The following EVC variants were observed in gnomAD, a reference collection of about 807,000 sequenced individuals.
EVC encodes EvC ciliary complex subunit 1, also known as evC complex member EVC.
EVC carries 116 observed loss-of-function variants against 118.9 expected under a neutral mutation model. That is an observed-to-expected ratio of 0.98 (90% CI 0.84 to 1.14). EVC has a LOEUF of 1.14. Among genes scored for constraint, EVC ranks in the 50% most tolerant of loss-of-function variants. The probability of loss-of-function intolerance (pLI) is 0.00; values close to 1 mark genes in which losing one functional copy is unlikely to be tolerated. For missense variants in EVC, 1,401 were observed against 1,246.4 expected (o/e 1.12, Z -1.87); for synonymous variants, 619 against 534.7 (o/e 1.16, Z -2.18).
intron 1 of EVC, among the ~76,000 whole-genome samples, chr4:5,716,163 A>G (rs1438539378): frequency 1.3e-5 from 2 of 152,238 alleles, no homozygotes; most frequent in Non-Finnish European, 2.9e-5. Context: ...ACAGTGCACC[A>G]AGCCAGGAGG....
intron 11 of EVC, among the ~76,000 whole-genome samples, chr4:5,782,265 G>T (rs1027058225): frequency 5.9e-5 from 9 of 151,666 alleles, no homozygotes; most frequent in African/African-American, 1.7e-4. Flanking sequence ...AGTAGAGACA[G>T]GGTTTCACCG....
intron 16 of EVC, among the ~76,000 whole-genome samples, chr4:5,803,173 C>T (rs1051694014): frequency 2.0e-5 from 3 of 152,226 alleles, no homozygotes; most frequent in Non-Finnish European, 4.4e-5. Context: ...CCACTTCTTA[C>T]AACACCCTCC....
chr4:5,726,678 G>A lies in EVC; in HGVS notation c.301-2629G>A, dbSNP rs180953151. On this transcript the variant is annotated intron_variant, in intron 2 of 20. Coordinates refer to ENST00000264956, the MANE Select transcript of EVC (RefSeq NM_153717.3). ...GCTGGTGCGCTGCACCCACTAACTC[G>A]TCATCTAGCATTAGGTACATCTCCC... 2.9e-3 allele frequency among the ~76,000 whole-genome samples: 428 copies of A among 147,026 alleles called. 3 individuals carry two copies. Among genetic ancestry groups the A allele is most frequent in the African/African-American group, 0.01 (405 of 39,810 alleles).
rs150103995 is a variant in EVC at position 5,755,382 on chromosome 4, G to T, written c.1465-882G>T. ...CAGGGAAGGGTGAATGAGCGCATGCGTGCCTGAATGAACCAGGACATGGAC... is the reference window on the plus strand; with the variant it reads ...CAGGGAAGGGTGAATGAGCGCATGCTTGCCTGAATGAACCAGGACATGGAC... On this transcript the variant is annotated intron_variant, in intron 10 of 20. Coordinates refer to ENST00000264956, the MANE Select transcript of EVC (RefSeq NM_153717.3). This position sits in a 1 kb window ranked among gnomAD's most constrained non-coding sequence, Gnocchi z 4.1. Among the ~76,000 whole-genome samples the T allele has an allele frequency of 4.9e-4, 74 of 152,134 alleles. No individual in the cohort carries two copies. The highest frequency in any genetic ancestry group is 1.7e-3 in the African/African-American group (72 of 41,470).
intron 4 of EVC, 116 bp from the exon 5 acceptor site, chr4:5,733,235 A>C: frequency 1.2e-6 from 1 of 832,894 alleles, no homozygotes; most frequent in Non-Finnish European, 2.1e-6. Flanking sequence ...ATGCTGCAGA[A>C]TGAGAGTTTG....
chr4:5,722,878 T>G (rs1344396095), intron 2 of EVC, among the ~76,000 whole-genome samples: 1 of 152,202 alleles, frequency 6.6e-6, no homozygotes, highest in African/African-American at 2.4e-5. Context: ...GGGGAGACTC[T>G]CAGAATTTGG....
At chr4:5,821,517 G>T in the EVC span, 1 of 535,378 alleles carries the variant, frequency 1.9e-6, no homozygotes, top group Non-Finnish European at 3.4e-6. The surrounding 1 kb of genome is among the most constrained non-coding windows in gnomAD (Gnocchi z 4.4). Flanking sequence ...TAGGAAGGGG[G>T]AATGAAAACA....
rs1395371759 is a variant in EVC, at chr4:5,746,274, G to A, written c.939+933G>A. 6.6e-6 allele frequency among the ~76,000 whole-genome samples: 1 copy of A among 152,226 alleles called. No individual in the cohort carries two copies. Among genetic ancestry groups the A allele is most frequent in the East Asian group, 1.9e-4 (1 of 5,198 alleles). ...AAGGGCTGCCCAGGCACTGAGTGGA[G>A]GGTGGTGAAGAGCTACTGGGCTAAT... On this transcript the variant is annotated intron_variant, in intron 7 of 20. Coordinates refer to ENST00000264956, the MANE Select transcript of EVC (RefSeq NM_153717.3). The surrounding 1 kb of genome is among the most constrained non-coding windows in gnomAD (Gnocchi z 5.8).
intron 11 of EVC, among the ~76,000 whole-genome samples, chr4:5,763,029 G>T (rs1210609615): frequency 9.7e-6 from 1 of 102,586 alleles, no homozygotes; most frequent in Admixed American, 9.6e-5. Flanking sequence ...GGTTTTTATG[G>T]TTTTAGGTCT....
chr4:5,725,246 G>A (rs1255323703), intron 2 of EVC, among the ~76,000 whole-genome samples: 1 of 152,176 alleles, frequency 6.6e-6, no homozygotes, highest in Non-Finnish European at 1.5e-5. Context: ...CCCAGTAAAA[G>A]GATTGCTGGG....
At chr4:5,728,251 A>G (rs1257594029) in intron 2 of EVC, among the ~76,000 whole-genome samples, 1 of 152,014 alleles carries the variant, frequency 6.6e-6, no homozygotes, top group Admixed American at 6.6e-5. Context: ...TATTTCCTTG[A>G]GCAGTGGTTT....
At chr4:5,779,559 C>A (rs987957744) in intron 11 of EVC, among the ~76,000 whole-genome samples, 2 of 117,298 alleles carry the variant, frequency 1.7e-5, no homozygotes, top group Non-Finnish European at 3.7e-5. Context: ...TCCTTCACAT[C>A]CCTTGTAAGT....
intron 5 of EVC, among the ~76,000 whole-genome samples, chr4:5,740,502 A>C (rs531238956): frequency 2.0e-5 from 3 of 151,894 alleles, no homozygotes; most frequent in African/African-American, 4.8e-5. Context: ...AAGAAAAAAT[A>C]TAAGAGAAAT....
Position 5,741,749 on chromosome 4 carries a change from G to T in EVC, c.736G>T (p.Asp246Tyr), listed in dbSNP as rs144029167. 3.0e-5 allele frequency: 47 copies of T among 1,574,040 alleles called. No homozygotes were observed. In the African/African-American group the frequency reaches 5.0e-4, roughly 17 times the overall value. The part of the protein sequence containing the change: ...FIQIFKMCLL[D>Y]LLPKKKSDDE... The stretch of plus-strand genomic sequence containing the variant: ...TCAGATTTTTAAAATGTGCCTCCTT[G>T]ACCTTCTTCCTAAAAAGAAGTCAGA... Residue 246 changes from aspartate to tyrosine, a missense_variant, in exon 6 of 21, where the codon GAC becomes TAC. By Grantham distance (160) the Asp-to-Tyr change is radical. Coordinates refer to ENST00000264956, the MANE Select transcript of EVC (RefSeq NM_153717.3).
chr4:5,719,202 A>T lies in EVC; in HGVS notation c.175-46A>T. On this transcript the variant is annotated intron_variant, in intron 1 of 20. Coordinates refer to ENST00000264956, the MANE Select transcript of EVC (RefSeq NM_153717.3). The surrounding 1 kb of genome is among the most constrained non-coding windows in gnomAD (Gnocchi z 4.7). Reference sequence around the variant, plus strand: ...GTGGGGACCAGGCCGACTGACCTCAATGTTGTGTTTCTATCCACCCCCAAC... The same window carrying T: ...GTGGGGACCAGGCCGACTGACCTCATTGTTGTGTTTCTATCCACCCCCAAC... The T allele has an allele frequency of 6.2e-7, 1 of 1,613,590 alleles. No individual in the cohort carries two copies. Among genetic ancestry groups the T allele is most frequent in the African/African-American group, 1.3e-5 (1 of 75,036 alleles).
At chr4:5,718,615 C>T (rs1026025157) in intron 1 of EVC, among the ~76,000 whole-genome samples, 11 of 152,152 alleles carry the variant, frequency 7.2e-5, no homozygotes, top group African/African-American at 2.4e-4. Flanking sequence ...CTCAACTGAG[C>T]ACGTGCATGC....
intron 8 of EVC, among the ~76,000 whole-genome samples, chr4:5,750,910 A>G (rs73073787): frequency 0.025 from 3,814 of 152,266 alleles, 172 homozygotes; most frequent in African/African-American, 0.085. Flanking sequence ...AGAACACAGA[A>G]GAGTTGGAAT....
In EVC at chr4:5,808,246, C is replaced by T. The variant is rs774624157; in HGVS notation, c.2607C>T (p.His869=). 1.9e-6 allele frequency: 3 copies of T among 1,613,780 alleles called. No individual in the cohort carries two copies. The highest frequency in any genetic ancestry group is 1.7e-6 in the Non-Finnish European group (2 of 1,179,860). Residue 869 remains histidine, a synonymous_variant, in exon 18 of 21, where the codon CAC becomes CAT. Transcript: ENST00000264956. Reference sequence around the variant, plus strand: ...GGTTCCTGGCCCAGTTCCCAGTGCACCAGCAGATGCGTCTGCACGCCCAGC... The same window carrying T: ...GGTTCCTGGCCCAGTTCCCAGTGCATCAGCAGATGCGTCTGCACGCCCAGC... ...QKRFLAQFPV[H]QQMRLHAQQQ...
intron 11 of EVC, among the ~76,000 whole-genome samples, chr4:5,775,718 A>G (rs1174945904): frequency 3.9e-5 from 6 of 152,276 alleles, no homozygotes; most frequent in Middle Eastern, 3.4e-3. Flanking sequence ...GTGTTAGCCT[A>G]TTACACACTG....
Sources: gnomAD v4.1 joint callset for allele counts (sites outside exome capture counted in the v4.1 genomes callset) on GRCh38, gnomAD v4.1.1 for gene constraint, Gnocchi (gnomAD v3.1) non-coding constraint, MANE v1.5 for transcripts, NCBI Gene and HGNC (gene_info 2026-07-23, HGNC 2026-07-21) for gene names.